The following TUT4 variants were observed in gnomAD, a reference collection of about 807,000 sequenced individuals.
The protein encoded by TUT4 is terminal uridylyltransferase 4.
In TUT4, 36 loss-of-function variants were observed where a neutral mutation model predicts 192.2. That is an observed-to-expected ratio of 0.19 (90% CI 0.14 to 0.25). The LOEUF (loss-of-function observed/expected upper bound fraction) is 0.25, where lower values mean the gene tolerates loss of function less well. Among genes scored for constraint, TUT4 ranks in the 10% least tolerant of loss-of-function variants. The probability of loss-of-function intolerance (pLI) is 1.00; values close to 1 mark genes in which losing one functional copy is unlikely to be tolerated. For missense variants in TUT4, 1,493 were observed against 1,957.2 expected, an observed-to-expected ratio of 0.76 and a Z score of 4.47; for synonymous variants, 618 against 666.0, an observed-to-expected ratio of 0.93 and a Z score of 1.11.
At chr1:52,517,340 T>C (rs1678986406) in intron 2 of TUT4, among the ~76,000 whole-genome samples, 1 of 152,216 alleles carries the variant, frequency 6.6e-6, no homozygotes, top group South Asian at 2.1e-4. Context: ...GTTGAATAAA[T>C]AAATGAATCT....
chr1:52,543,634 C>T (rs563062429), intron 1 of TUT4, among the ~76,000 whole-genome samples: 1 of 151,876 alleles, frequency 6.6e-6, no homozygotes, highest in Non-Finnish European at 1.5e-5. Flanking sequence ...CAGGTACCTG[C>T]CACTGGGCCC....
At chr1:52,462,591 G>T in intron 16 of TUT4, 2 of 350,184 alleles carry the variant, frequency 5.7e-6, no homozygotes, top group Non-Finnish European at 4.0e-6. Flanking sequence ...ATAAACTCCT[G>T]TCCTGCAGAG....
chr1:52,530,124 T>C (rs1395747470), intron 1 of TUT4, among the ~76,000 whole-genome samples: 2 of 152,126 alleles, frequency 1.3e-5, no homozygotes, highest in Admixed American at 6.6e-5. Flanking sequence ...ACTACAGGCA[T>C]GAGTCACTGC....
chr1:52,524,847 TACTC>T lies in TUT4; in HGVS notation c.718+712_718+715del, dbSNP rs542946113. 5.8e-3 allele frequency among the ~76,000 whole-genome samples: 886 copies of T among 152,238 alleles called. 1 individual carries two copies. The highest frequency in any genetic ancestry group is 9.3e-3 in the Non-Finnish European group (630 of 68,010). ...AAAATTCTTCAATGGCTTCTGAAAA[TACTC>T]AGGATAAAGTCCAAACTTTCTGGCA... On this transcript the variant is annotated intron_variant, in intron 2 of 29. Transcript: ENST00000257177.
intron 1 of TUT4, among the ~76,000 whole-genome samples, chr1:52,549,133 C>T (rs1447429413): frequency 2.0e-5 from 3 of 152,106 alleles, no homozygotes; most frequent in African/African-American, 7.2e-5. Flanking sequence ...CCACTAAAAA[C>T]GGGTAAACTC....
At chr1:52,449,651 A>G (rs1242313706) in intron 20 of TUT4, among the ~76,000 whole-genome samples, 1 of 152,204 alleles carries the variant, frequency 6.6e-6, no homozygotes, top group Admixed American at 6.5e-5. Context: ...AAAATTTACC[A>G]TCATAAGCAT....
At chr1:52,517,573 A>G (rs1256563278) in intron 2 of TUT4, among the ~76,000 whole-genome samples, 2 of 152,204 alleles carry the variant, frequency 1.3e-5, no homozygotes, top group African/African-American at 4.8e-5. Context: ...CTACCACAAG[A>G]GCACAGGAGT....
intron 14 of TUT4, 69 bp downstream of exon 14, chr1:52,471,883 A>G (rs1454925997): frequency 5.4e-6 from 8 of 1,482,054 alleles, no homozygotes; most frequent in Non-Finnish European, 7.2e-6. Flanking sequence ...CTGTTTTTAA[A>G]TCAGAAAATT....
chr1:52,553,301 GTTCGGGGGGCCCCAC>G (rs1689956299), upstream of TUT4: 24 of 149,964 alleles, frequency 1.6e-4, no homozygotes, highest in Admixed American at 1.6e-3. Context: ...CCCTCCCTTC[GTTCGGGGGGCCCCAC>G]AGGCACCGTT....
intron 18 of TUT4, 134 bp from the exon 19 acceptor site, chr1:52,461,357 A>C (rs1276288780): frequency 9.1e-7 from 1 of 1,095,666 alleles, no homozygotes; most frequent in African/African-American, 1.6e-5. Context: ...AATGAGTCAA[A>C]CAAAAACTGA....
In TUT4 at chr1:52,437,957, AAAAAACAAAAAT is replaced by A. The variant is rs1367737754; in HGVS notation, c.3938+251_3938+262del. Among the ~76,000 whole-genome samples, 9 of 152,172 alleles carry A rather than the reference AAAAAACAAAAAT, an allele frequency of 5.9e-5. 1 individual carries two copies. The highest frequency in any genetic ancestry group is 3.8e-4 in the East Asian group (2 of 5,202). ...GCGACAGGGCGAGATGCCGTCTCAA[AAAAAACAAAAAT>A]AAAAACAAAAACAAAAACAAAAAAA... On this transcript the variant is annotated intron_variant, in intron 25 of 29. Transcript: ENST00000257177.
intron 28 of TUT4, among the ~76,000 whole-genome samples, chr1:52,425,973 A>G (rs931565109): frequency 1.3e-5 from 2 of 152,204 alleles, no homozygotes; most frequent in African/African-American, 2.4e-5. Flanking sequence ...ACATAGAGAC[A>G]GGAGTGATGG....
chr1:52,456,411 C>CAAAAAAAAAAAAAAAA (rs1157223640), intron 20 of TUT4, among the ~76,000 whole-genome samples: 2 of 11,998 alleles, frequency 1.7e-4, no homozygotes, highest in Non-Finnish European at 4.3e-4. Context: ...GACTGTGTCT[C>CAAAAAAAAAAAAAAAA]AAAAAAAAAA....
intron 3 of TUT4, among the ~76,000 whole-genome samples, chr1:52,510,710 CA>C (rs1294125484): frequency 1.3e-5 from 2 of 152,168 alleles, no homozygotes; most frequent in African/African-American, 4.8e-5. Context: ...AGGTGTTTAA[CA>C]TACAATTTGT....
rs1182685625 is a variant in TUT4 at position 52,481,884 on chromosome 1, A to C, written c.1555T>G (p.Ser519Ala). ...IDSQTDGGIPSYCFALMVMFF... is the reference protein window; with the variant it reads ...IDSQTDGGIPAYCFALMVMFF... ...ATCACCATTAAAGCAAAACAGTAAGAAGGGATTCCACCATCAGTTTGGGAG... is the reference window on the plus strand; with the variant it reads ...ATCACCATTAAAGCAAAACAGTAAGCAGGGATTCCACCATCAGTTTGGGAG... Residue 519 changes from serine (S) to alanine (A), a missense_variant, in exon 10 of 30, where the codon TCT becomes GCT. By Grantham distance (99) the Ser-to-Ala change is moderately conservative (BLOSUM62 1). Transcript: ENST00000257177. The C allele has an allele frequency of 6.3e-7, 1 of 1,597,094 alleles. No individual in the cohort carries two copies. The highest frequency in any genetic ancestry group is 8.5e-7 in the Non-Finnish European group (1 of 1,175,666).
Position 52,446,582 on chromosome 1 carries a change from A to T in TUT4, c.3513+8T>A, listed in dbSNP as rs745467944. On this transcript the variant is annotated splice_region_variant and intron_variant, in intron 21 of 29. Transcript: ENST00000257177. ...CATTCTAGAACATAAAGACTATTTTAAAATTACCAGTTCTTCTGTTTTATC... is the reference window on the plus strand; with the variant it reads ...CATTCTAGAACATAAAGACTATTTTTAAATTACCAGTTCTTCTGTTTTATC... 44 of 1,597,598 alleles carry T rather than the reference A, an allele frequency of 2.8e-5. No individual in the cohort carries two copies. Among genetic ancestry groups the T allele is most frequent in the Non-Finnish European group, 3.1e-5 (36 of 1,173,016 alleles).
chr1:52,437,944 G>A (rs1015941766), intron 25 of TUT4, among the ~76,000 whole-genome samples: 2 of 151,682 alleles, frequency 1.3e-5, no homozygotes, highest in Admixed American at 1.3e-4. Flanking sequence ...GACAGGGCGA[G>A]ATGCCGTCTC....
intron 20 of TUT4, 146 bp downstream of exon 20, chr1:52,458,190 T>C: frequency 3.7e-6 from 2 of 538,856 alleles, no homozygotes; most frequent in Admixed American, 6.9e-5. Flanking sequence ...ATATTCATTG[T>C]TTAATTATAG....
At chr1:52,471,867 A>C (rs1243981081) in intron 14 of TUT4, 85 bp downstream of exon 14, 2 of 1,422,254 alleles carry the variant, frequency 1.4e-6, no homozygotes, top group African/African-American at 2.9e-5. Flanking sequence ...ACAAAACGTA[A>C]ACAAACTGTT....
Sources: gnomAD v4.1 joint callset for allele counts (sites outside exome capture counted in the v4.1 genomes callset) on GRCh38, gnomAD v4.1.1 for gene constraint, MANE v1.5 for transcripts, NCBI Gene and HGNC (gene_info 2026-07-23, HGNC 2026-07-21) for gene names.